GRXCR2: variants seen among roughly 807,000 people sequenced by gnomAD.
GRXCR2 encodes glutaredoxin domain-containing cysteine-rich protein 2.
In GRXCR2, 23 loss-of-function variants were observed where a neutral mutation model predicts 24.8. The ratio of observed to expected loss-of-function variants is 0.93; its 90% CI spans 0.67 to 1.32. The LOEUF (loss-of-function observed/expected upper bound fraction) is 1.32. Among genes scored for constraint, GRXCR2 ranks in the 40% most tolerant of loss-of-function variants. The pLI, the probability that GRXCR2 is intolerant of heterozygous loss-of-function variation, is 0.00. For missense variants in GRXCR2, 315 were observed against 303.4 expected (o/e 1.04, Z -0.28); for synonymous variants, 130 against 116.1 (o/e 1.12, Z -0.77).
At chr5:145,902,653 G>C (rs778517829) in intron 2 of GRXCR2, among the ~76,000 whole-genome samples, 2 of 152,162 alleles carry the variant, frequency 1.3e-5, no homozygotes, top group Non-Finnish European at 2.9e-5. Context: ...TAAACATGAA[G>C]AAGAGGTTGT....
chr5:145,894,293 G>C (rs187627514), intron 2 of GRXCR2, among the ~76,000 whole-genome samples: 12 of 152,092 alleles, frequency 7.9e-5, no homozygotes, highest in Non-Finnish European at 1.5e-4. Flanking sequence ...CAGAGCAGAA[G>C]TGAAGGAAAT....
upstream of GRXCR2, among the ~76,000 whole-genome samples, chr5:145,874,006 CAAGGATGGAAG>C (rs1410200827): frequency 6.6e-6 from 1 of 152,056 alleles, no homozygotes; most frequent in Non-Finnish European, 1.5e-5. Flanking sequence ...TCTAAGGAGA[CAAGGATGGAAG>C]AAGGTTTGTA....
intron 2 of GRXCR2, among the ~76,000 whole-genome samples, chr5:145,888,911 C>T (rs557043481): frequency 5.9e-5 from 9 of 152,174 alleles, no homozygotes; most frequent in South Asian, 2.1e-4. Context: ...CAGTGGCTCA[C>T]GCCTGTAATC....
At chr5:145,878,219 T>C (rs1318004572) in intron 2 of GRXCR2, among the ~76,000 whole-genome samples, 1 of 152,184 alleles carries the variant, frequency 6.6e-6, no homozygotes, top group African/African-American at 2.4e-5. Context: ...AGAAGTAGGC[T>C]TCAGAAGGCT....
At chr5:145,879,706 T>A (rs893894974) in intron 2 of GRXCR2, among the ~76,000 whole-genome samples, 3 of 152,220 alleles carry the variant, frequency 2.0e-5, no homozygotes, top group African/African-American at 7.2e-5. Context: ...GCGGGCCTAA[T>A]AGACATCTAC....
intron 2 of GRXCR2, among the ~76,000 whole-genome samples, chr5:145,914,413 C>T (rs1486162738): frequency 6.6e-6 from 1 of 151,968 alleles, no homozygotes; most frequent in Non-Finnish European, 1.5e-5. Flanking sequence ...TGGTACCTCA[C>T]GTCTGTAATC....
chr5:145,880,943 A>C (rs1417784452), intron 2 of GRXCR2, among the ~76,000 whole-genome samples: 1 of 152,236 alleles, frequency 6.6e-6, no homozygotes, highest in Non-Finnish European at 1.5e-5. Flanking sequence ...TGATTATCTC[A>C]ATAGATGCAG....
chr5:145,871,716 G>T (rs1756534413), intron 1 of GRXCR2, among the ~76,000 whole-genome samples: 1 of 152,182 alleles, frequency 6.6e-6, no homozygotes, highest in African/African-American at 2.4e-5. Context: ...GTCTGCAATA[G>T]ATGTGTTATC....
In GRXCR2 at chr5:145,860,061, G is replaced by A; in HGVS notation, c.565-146C>T. ...CGAATGTCAGTGAGAGAATCATCTGGGACCCAGAATAGTTACAGCAATTTT... is the reference window on the plus strand; with the variant it reads ...CGAATGTCAGTGAGAGAATCATCTGAGACCCAGAATAGTTACAGCAATTTT... On this transcript the variant is annotated intron_variant, in intron 2 of 2. Transcript: ENST00000377976. 9.3e-6 allele frequency: 6 copies of A among 647,100 alleles called. 1 individual carries two copies. The highest frequency in any genetic ancestry group is 1.9e-5 in the African/African-American group (1 of 53,182). 40.1% of individuals were successfully genotyped at this position (647,100 alleles called of 1,614,324 possible).
intron 2 of GRXCR2, among the ~76,000 whole-genome samples, chr5:145,878,297 G>GA (rs891928319): frequency 2.0e-5 from 3 of 152,014 alleles, no homozygotes; most frequent in Admixed American, 6.6e-5. Flanking sequence ...TAAAAACCTT[G>GA]AAAAAAGGTT....
chr5:145,900,243 A>T (rs574140351), intron 2 of GRXCR2, among the ~76,000 whole-genome samples: 1 of 151,842 alleles, frequency 6.6e-6, no homozygotes, highest in Admixed American at 6.6e-5. Flanking sequence ...TTCTTACGAG[A>T]TCTGGTTGAT....
At chr5:145,897,651 T>C (rs1194905251) in intron 2 of GRXCR2, among the ~76,000 whole-genome samples, 1 of 151,802 alleles carries the variant, frequency 6.6e-6, no homozygotes, top group Non-Finnish European at 1.5e-5. Flanking sequence ...AAAATACAAA[T>C]CAATACCAAG....
chr5:145,881,636 C>A (rs1252184740), intron 2 of GRXCR2, among the ~76,000 whole-genome samples: 3 of 151,894 alleles, frequency 2.0e-5, no homozygotes, highest in Admixed American at 6.6e-5. Flanking sequence ...CATCCGCTAC[C>A]AATGACCTTC....
chr5:145,918,748 G>A (rs1160459116), intron 2 of GRXCR2, among the ~76,000 whole-genome samples: 1 of 152,138 alleles, frequency 6.6e-6, no homozygotes, highest in Non-Finnish European at 1.5e-5. Context: ...AAGAAGCTCA[G>A]GAACAAGCCC....
At chr5:145,930,686 G>A (rs1274879753) in intron 2 of GRXCR2, among the ~76,000 whole-genome samples, 1 of 152,210 alleles carries the variant, frequency 6.6e-6, no homozygotes, top group Non-Finnish European at 1.5e-5. Flanking sequence ...GATCAATAAA[G>A]AACTGAGCAA....
intron 2 of GRXCR2, among the ~76,000 whole-genome samples, chr5:145,907,563 C>T (rs980736749): frequency 1.3e-5 from 2 of 151,722 alleles, no homozygotes; most frequent in South Asian, 2.1e-4. Flanking sequence ...ATAAAATGAT[C>T]GCTCTGGCTG....
chr5:145,872,617 C>T lies in GRXCR2; in HGVS notation c.336+16G>A. On this transcript the variant is annotated intron_variant, in intron 1 of 2. Transcript: ENST00000377976. Reference sequence around the variant, plus strand: ...AGCCCTACCCTTAAAGCCTATATGCCATGCACAATACCAACCTTATGGTCA... The same window carrying T: ...AGCCCTACCCTTAAAGCCTATATGCTATGCACAATACCAACCTTATGGTCA... The T allele has an allele frequency of 1.3e-6, 2 of 1,569,794 alleles. No individual in the cohort carries two copies. The highest frequency in any genetic ancestry group is 2.3e-5 in the East Asian group (1 of 44,388).
In GRXCR2 at chr5:145,919,112, G is replaced by A. The variant is rs115627237; in HGVS notation, c.-70+16589C>T. Among the ~76,000 whole-genome samples, 418 of 152,250 alleles carry A rather than the reference G, an allele frequency of 2.7e-3. 2 individuals carry two copies. Among genetic ancestry groups the A allele is most frequent in the African/African-American group, 9.8e-3 (409 of 41,538 alleles). On this transcript the variant is annotated intron_variant, in intron 2 of 3. Coordinates refer to the GRXCR2 transcript ENST00000639411. ...CAGACTCCTCATTAGAGCTTGCACT[G>A]TCCCTGTCTCCTCATTTCTTCCCCC...
chr5:145,927,215 T>C (rs1011424233), intron 2 of GRXCR2, among the ~76,000 whole-genome samples: 4 of 152,206 alleles, frequency 2.6e-5, no homozygotes, highest in African/African-American at 9.7e-5. Flanking sequence ...TTGAATACCC[T>C]TTATTTCCTT....
Sources: gnomAD v4.1 joint callset for allele counts (sites outside exome capture counted in the v4.1 genomes callset) on GRCh38, gnomAD v4.1.1 for gene constraint, MANE v1.5 for transcripts, NCBI Gene and HGNC (gene_info 2026-07-23, HGNC 2026-07-21) for gene names.